The following TSPAN7 variants were observed in gnomAD, a reference collection of about 807,000 sequenced individuals.
TSPAN7 encodes the protein tetraspanin 7.
A neutral mutation model predicts 17.6 loss-of-function variants in TSPAN7; 1 was observed. That is an observed-to-expected ratio of 0.06 (90% CI 0.02 to 0.27). The LOEUF is 0.27. TSPAN7 is among the 10% of genes least tolerant of loss of function. The pLI is 1.00. For missense variants in TSPAN7, 112 were observed against 201.7 expected (o/e 0.56, Z 2.69); for synonymous variants, 78 against 79.0 (o/e 0.99, Z 0.07).
intron 6 of TSPAN7, 56 bp downstream of exon 6, chrX:38,681,343 G>T: frequency 1.9e-6 from 2 of 1,026,632 alleles, no homozygotes; most frequent in East Asian, 3.0e-5. Flanking sequence ...CTCCCTCCCT[G>T]GCCTCCAGAT....
chrX:38,663,205 G>C (rs1454732074), intron 1 of TSPAN7, among the ~76,000 whole-genome samples: 1 of 110,027 alleles, frequency 9.1e-6, no homozygotes, highest in Non-Finnish European at 1.9e-5. Flanking sequence ...ACACACCATG[G>C]AATGCTACTA....
At chrX:38,607,788 T>C (rs17144243) in intron 1 of TSPAN7, among the ~76,000 whole-genome samples, 6,301 of 109,001 alleles carry the variant, frequency 0.058, 413 homozygotes, top group African/African-American at 0.19. Context: ...TCTTCCTGAT[T>C]CTGCAGAAAC....
intron 1 of TSPAN7, among the ~76,000 whole-genome samples, chrX:38,586,332 C>A (rs1371968244): frequency 8.9e-6 from 1 of 112,294 alleles, no homozygotes; most frequent in Non-Finnish European, 1.9e-5. Flanking sequence ...ATCAGGAAGG[C>A]TTTGAATATT....
intron 1 of TSPAN7, among the ~76,000 whole-genome samples, chrX:38,596,771 G>A (rs1435692525): frequency 9.0e-6 from 1 of 111,521 alleles, no homozygotes; most frequent in African/African-American, 3.3e-5. Context: ...TGGGACATTT[G>A]TTTAGGTGTT....
chrX:38,626,668 C>T (rs1401786127), intron 1 of TSPAN7, among the ~76,000 whole-genome samples: 2 of 111,848 alleles, frequency 1.8e-5, no homozygotes, highest in Middle Eastern at 4.7e-3. Flanking sequence ...TATTTCTCAA[C>T]AAAATAACTG....
intron 3 of TSPAN7, among the ~76,000 whole-genome samples, chrX:38,673,364 C>CTTT (rs1173827469): frequency 4.7e-5 from 4 of 85,942 alleles, no homozygotes; most frequent in Non-Finnish European, 6.8e-5. Context: ...GTTTTGTTAA[C>CTTT]TTTTTTTTTT....
rs764393334 is a variant in TSPAN7, at chrX:38,593,374, T to A, written c.81+31747T>A. On this transcript the variant is annotated intron_variant, in intron 1 of 7. Transcript: ENST00000378482. ...TGGTTCCTTTTATGGAAGGATGGTA[T>A]TTAGAAACTAGGGGCTGGGTGCTAG... Among the ~76,000 whole-genome samples the A allele has an allele frequency of 1.2e-3, 131 of 111,414 alleles. 1 individual carries two copies. The highest frequency in any genetic ancestry group is 1.9e-3 in the Non-Finnish European group (101 of 53,040).
intron 1 of TSPAN7, among the ~76,000 whole-genome samples, chrX:38,593,789 T>C (rs902209331): frequency 8.9e-6 from 1 of 112,578 alleles, no homozygotes; most frequent in Non-Finnish European, 1.9e-5. Flanking sequence ...AATCTTGGAT[T>C]TCCCAGCCTC....
chrX:38,613,190 C>T (rs1387053248), intron 1 of TSPAN7, among the ~76,000 whole-genome samples: 1 of 111,718 alleles, frequency 9.0e-6, no homozygotes, highest in East Asian at 2.8e-4. Flanking sequence ...TTTTTGATTT[C>T]TCATAATAAT....
intron 1 of TSPAN7, among the ~76,000 whole-genome samples, chrX:38,654,839 A>G (rs920833211): frequency 4.4e-5 from 5 of 112,467 alleles, no homozygotes; most frequent in African/African-American, 1.6e-4. Flanking sequence ...GTGGCGAAAG[A>G]TAAAGCAGGA....
intron 1 of TSPAN7, among the ~76,000 whole-genome samples, chrX:38,657,860 T>G (rs1415910030): frequency 8.9e-6 from 1 of 112,379 alleles, no homozygotes; most frequent in African/African-American, 3.2e-5. Context: ...AATTTCTGAC[T>G]TTTCATAGTG....
At chrX:38,655,490 GT>G (rs201711330) in intron 1 of TSPAN7, among the ~76,000 whole-genome samples, 114 of 107,479 alleles carry the variant, frequency 1.1e-3, no homozygotes, top group Non-Finnish European at 1.6e-3. Flanking sequence ...CAGTTTTTAA[GT>G]TTTTTTTTTC....
chrX:38,658,073 A>G (rs1220202582), intron 1 of TSPAN7, among the ~76,000 whole-genome samples: 1 of 102,008 alleles, frequency 9.8e-6, no homozygotes, highest in Non-Finnish European at 2.0e-5. Context: ...ATAATATTAA[A>G]ATACAAAATG....
At chrX:38,670,228 T>A (rs2069811461) in intron 2 of TSPAN7, among the ~76,000 whole-genome samples, 1 of 112,040 alleles carries the variant, frequency 8.9e-6, no homozygotes, top group Admixed American at 9.5e-5. Context: ...CAGCATTGTT[T>A]AGGGCCATTG....
intron 1 of TSPAN7, among the ~76,000 whole-genome samples, chrX:38,639,394 T>C (rs1475743818): frequency 9.3e-6 from 1 of 107,233 alleles, no homozygotes; most frequent in Non-Finnish European, 1.9e-5. Context: ...CCAGCATTCA[T>C]ATGCCATGTG....
Position 38,568,344 on chromosome X carries a change from A to T in TSPAN7, c.81+6717A>T, listed in dbSNP as rs574913417. Among the ~76,000 whole-genome samples, 6 of 109,099 alleles carry T rather than the reference A, an allele frequency of 5.5e-5. No homozygotes were observed. In the South Asian group the frequency reaches 2.4e-3, roughly 44 times the overall value. The allele number at this position is 109,099 out of a possible 115,157, so 94.7% of individuals were successfully genotyped here. ...AGAGCAAGTTTAATAATTTTCTGGAAAAAATGATGTATTGGGGGTTAATTT... is the reference window on the plus strand; with the variant it reads ...AGAGCAAGTTTAATAATTTTCTGGATAAAATGATGTATTGGGGGTTAATTT... On this transcript the variant is annotated intron_variant, in intron 1 of 7. Transcript: ENST00000378482.
At chrX:38,687,759 G>T in intron 7 of TSPAN7, 85 bp downstream of exon 7, 1 of 760,141 alleles carries the variant, frequency 1.3e-6, no homozygotes, top group Non-Finnish European at 1.9e-6. Context: ...GTACTCCCTG[G>T]CCATTGAGCT....
At chrX:38,563,176 G>A in intron 1 of TSPAN7, 8 of 923,764 alleles carry the variant, frequency 8.7e-6, no homozygotes, top group Non-Finnish European at 9.7e-6. Flanking sequence ...CAGGAGCTCT[G>A]CAATGAGCTA....
chrX:38,622,719 C>T (rs973319538), intron 1 of TSPAN7, among the ~76,000 whole-genome samples: 1 of 111,631 alleles, frequency 9.0e-6, no homozygotes, highest in Non-Finnish European at 1.9e-5. Context: ...TAAAGTAAGC[C>T]CATGGTGAGG....
Sources: gnomAD v4.1 joint callset for allele counts (sites outside exome capture counted in the v4.1 genomes callset) on GRCh38, gnomAD v4.1.1 for gene constraint, MANE v1.5 for transcripts, NCBI Gene and HGNC (gene_info 2026-07-23, HGNC 2026-07-21) for gene names.